CFI: variants seen among roughly 807,000 people sequenced by gnomAD.
CFI encodes complement factor I, also known as C3B/C4B inactivator.
A neutral mutation model predicts 78.8 loss-of-function variants in CFI; 66 were observed. That is an observed-to-expected ratio of 0.84 (90% CI 0.69 to 1.03). The LOEUF (loss-of-function observed/expected upper bound fraction) is 1.03. CFI is among the 50% of genes least tolerant of loss of function. The pLI is 0.00. For missense variants in CFI, 706 were observed against 704.5 expected (o/e 1.00, Z -0.02); for synonymous variants, 250 against 232.6 (o/e 1.07, Z -0.68).
rs1165730665 is a variant in CFI, at chr4:109,766,628, T to C, written c.254A>G (p.Tyr85Cys). 6.2e-7 allele frequency: 1 copy of C among 1,614,158 alleles called. No individual in the cohort carries two copies. The highest frequency in any genetic ancestry group is 1.1e-5 in the South Asian group (1 of 91,084). The change falls in exon 2 of 13, where the codon TAC (tyrosine) becomes TGC (cysteine). Residue 85 changes from tyrosine (Y) to cysteine (C), a missense_variant. Tyr to Cys is a radical substitution (Grantham distance 194). Transcript: ENST00000394634. ...ACATTCCAAACTCTTTTGTTGACAG[T>C]ATGTTGGGAAGCTTCTCCTGTTAGT... ...CATNRRSFPT[Y>C]CQQKSLECLH...
At chr4:109,768,334 TA>T (rs756365540) in intron 1 of CFI, among the ~76,000 whole-genome samples, 181 of 63,168 alleles carry the variant, frequency 2.9e-3, no homozygotes, top group African/African-American at 7.6e-3. Flanking sequence ...GAAGAAATCC[TA>T]AAAAAAAAAA....
intron 1 of CFI, among the ~76,000 whole-genome samples, chr4:109,791,747 T>A (rs1731410565): frequency 1.3e-5 from 2 of 152,196 alleles, no homozygotes; most frequent in Non-Finnish European, 2.9e-5. Context: ...GATCAGATAC[T>A]TGTAAGGGTG....
intron 1 of CFI, among the ~76,000 whole-genome samples, chr4:109,791,433 C>A (rs1193530891): frequency 6.6e-6 from 1 of 151,992 alleles, no homozygotes; most frequent in Admixed American, 6.6e-5. Flanking sequence ...TGTGCAGAAG[C>A]TCTTTAGTTT....
At chr4:109,801,445 T>A (rs983404590) in intron 1 of CFI, among the ~76,000 whole-genome samples, 2 of 152,250 alleles carry the variant, frequency 1.3e-5, no homozygotes, top group African/African-American at 4.8e-5. Flanking sequence ...CATATTTGTA[T>A]CACTTTTGAC....
At chr4:109,797,320 A>C (rs1388782948) in intron 1 of CFI, among the ~76,000 whole-genome samples, 1 of 152,254 alleles carries the variant, frequency 6.6e-6, no homozygotes. Context: ...AGAATATATA[A>C]TGGGTGAAGA....
At chr4:109,774,225 G>A (rs1728938526) in intron 1 of CFI, among the ~76,000 whole-genome samples, 1 of 152,128 alleles carries the variant, frequency 6.6e-6, no homozygotes, top group South Asian at 2.1e-4. Flanking sequence ...ATTCTAGTAG[G>A]CAAGACAGAC....
intron 1 of CFI, among the ~76,000 whole-genome samples, chr4:109,799,550 T>C (rs1206979549): frequency 1.3e-5 from 2 of 152,152 alleles, no homozygotes; most frequent in East Asian, 3.8e-4. Context: ...ATTAAGAAAC[T>C]GAAATCTAAG....
At chr4:109,795,334 A>G (rs1000121564) in intron 1 of CFI, among the ~76,000 whole-genome samples, 1 of 152,136 alleles carries the variant, frequency 6.6e-6, no homozygotes, top group African/African-American at 2.4e-5. Context: ...TTGCCAGCTG[A>G]CCCACCCAGA....
Position 109,766,786 on chromosome 4 carries a change from C to T in CFI, c.96G>A (p.Lys32=), listed in dbSNP as rs1347657639. The part of the protein sequence containing the change: ...YTSQEDLVEK[K]CLAKKYTHLS... The stretch of plus-strand genomic sequence containing the variant: ...GGTGAGTATATTTTTTTGCTAAGCA[C>T]TTTTTCTCCACCAGATCCTCTTGAG... Residue 32 remains lysine, a synonymous_variant, in exon 2 of 13, where the codon AAG becomes AAA. Coordinates refer to ENST00000394634, the MANE Select transcript of CFI (RefSeq NM_000204.5). 6.2e-7 allele frequency: 1 copy of T among 1,614,006 alleles called. No homozygotes were observed. The highest frequency in any genetic ancestry group is 1.7e-5 in the Admixed American group (1 of 60,000).
intron 12 of CFI, 114 bp downstream of exon 12, chr4:109,742,377 G>T: frequency 1.3e-6 from 1 of 744,802 alleles, no homozygotes; most frequent in Non-Finnish European, 2.4e-6. Flanking sequence ...ACAGCCAGAA[G>T]GCCAAATGGA....
chr4:109,784,528 T>C (rs1311515579), intron 1 of CFI, among the ~76,000 whole-genome samples: 2 of 152,084 alleles, frequency 1.3e-5, no homozygotes, highest in South Asian at 2.1e-4. Context: ...AAGAGATTCT[T>C]GTTGATAGAT....
At chr4:109,758,166 G>C (rs971100647) in intron 6 of CFI, among the ~76,000 whole-genome samples, 1 of 150,908 alleles carries the variant, frequency 6.6e-6, no homozygotes, top group Non-Finnish European at 1.5e-5. Flanking sequence ...ATTTTAAAAA[G>C]ATAAAAGGAG....
At chr4:109,789,648 C>T (rs1027431924) in intron 1 of CFI, among the ~76,000 whole-genome samples, 5 of 151,992 alleles carry the variant, frequency 3.3e-5, no homozygotes, top group African/African-American at 1.2e-4. Flanking sequence ...AGCATACCTG[C>T]AGTACAAGAA....
At position 109,794,786 on chromosome 4, in the gene CFI, C is replaced by G. The variant is rs139921728; in HGVS notation, c.57+7129G>C. Among the ~76,000 whole-genome samples, 403 of 152,248 alleles carry G rather than the reference C, an allele frequency of 2.6e-3. 1 individual carries two copies. Among genetic ancestry groups the G allele is most frequent in the African/African-American group, 8.8e-3 (364 of 41,542 alleles). ...CCAGCTTGGGTGACAGAGCAAGACTCTGTCTCCAAAACAATTCTATTTATT... is the reference window on the plus strand; with the variant it reads ...CCAGCTTGGGTGACAGAGCAAGACTGTGTCTCCAAAACAATTCTATTTATT... On this transcript the variant is annotated intron_variant, in intron 1 of 12. Coordinates refer to ENST00000394634, the MANE Select transcript of CFI (RefSeq NM_000204.5).
intron 7 of CFI, among the ~76,000 whole-genome samples, chr4:109,756,909 G>GAAAGAAAGAAAGAAAGAAA (rs1726285190): frequency 1.3e-5 from 1 of 77,146 alleles, no homozygotes; most frequent in African/African-American, 4.9e-5. Flanking sequence ...AAGAAAGAAA[G>GAAAGAAAGAAAGAAAGAAA]AAAGAAAGAA....
chr4:109,784,263 T>G (rs536521369), intron 1 of CFI, among the ~76,000 whole-genome samples: 1 of 152,156 alleles, frequency 6.6e-6, no homozygotes, highest in South Asian at 2.1e-4. Context: ...AAATGTAATT[T>G]TAGTGGAATG....
intron 1 of CFI, among the ~76,000 whole-genome samples, chr4:109,776,755 C>T (rs1343040573): frequency 6.6e-6 from 1 of 152,236 alleles, no homozygotes; most frequent in Non-Finnish European, 1.5e-5. Context: ...GGAAGCCCAT[C>T]AGACTAACAG....
At chr4:109,770,633 G>GA (rs370657391) in intron 1 of CFI, among the ~76,000 whole-genome samples, 16,183 of 78,172 alleles carry the variant, frequency 0.21, 1,243 homozygotes, top group African/African-American at 0.29. Context: ...ACACAGACCA[G>GA]AAAAAAAAAA....
At chr4:109,732,676 T>C in the CFI span, among the ~76,000 whole-genome samples, 247 of 152,062 alleles carry the variant, frequency 1.6e-3, no homozygotes, top group African/African-American at 5.7e-3. Flanking sequence ...GCTAACACGG[T>C]GAAACCCTGT....
Sources: gnomAD v4.1 joint callset for allele counts (sites outside exome capture counted in the v4.1 genomes callset) on GRCh38, gnomAD v4.1.1 for gene constraint, MANE v1.5 for transcripts, NCBI Gene and HGNC (gene_info 2026-07-23, HGNC 2026-07-21) for gene names.